Variants in COL25A1 observed in about 807,000 individuals in gnomAD.
The protein encoded by COL25A1 is collagen alpha-1(XXV) chain.
In COL25A1, 103 loss-of-function variants were observed where a neutral mutation model predicts 128.4. The ratio of observed to expected loss-of-function variants is 0.80; its 90% CI spans 0.68 to 0.94. COL25A1 has a LOEUF of 0.94. COL25A1 is among the 40% of genes least tolerant of loss of function. The pLI is 0.00. For synonymous variants in COL25A1, 279 were observed against 277.2 expected, an observed-to-expected ratio of 1.01 and a Z score of -0.06; for missense variants, 745 against 840.0, an observed-to-expected ratio of 0.89 and a Z score of 1.40.
At chr4:108,912,977 T>C (rs1744412403) in intron 13 of COL25A1, among the ~76,000 whole-genome samples, 1 of 152,140 alleles carries the variant, frequency 6.6e-6, no homozygotes. Context: ...GACACACTAA[T>C]ATCAATTTTT....
intron 3 of COL25A1, among the ~76,000 whole-genome samples, chr4:109,053,996 T>C (rs530371667): frequency 6.6e-6 from 1 of 152,290 alleles, no homozygotes; most frequent in African/African-American, 2.4e-5. Context: ...ATTACGAGAA[T>C]GGCTTAATGG....
intron 21 of COL25A1, 40 bp from the exon 22 acceptor site, chr4:108,862,585 T>G: frequency 6.5e-7 from 1 of 1,539,304 alleles, no homozygotes; most frequent in South Asian, 1.1e-5. Context: ...GATAAAATTA[T>G]AGAAGAGATA....
intron 18 of COL25A1, among the ~76,000 whole-genome samples, chr4:108,885,895 C>G (rs1190925566): frequency 6.6e-6 from 1 of 152,172 alleles, no homozygotes; most frequent in African/African-American, 2.4e-5. Context: ...CTCGTCACCT[C>G]TTTTCCTCCC....
At chr4:108,935,761 G>T (rs981454202) in intron 11 of COL25A1, among the ~76,000 whole-genome samples, 1 of 152,178 alleles carries the variant, frequency 6.6e-6, no homozygotes, top group African/African-American at 2.4e-5. Flanking sequence ...ACTGGGAATA[G>T]TAAGCAAATG....
intron 2 of COL25A1, among the ~76,000 whole-genome samples, chr4:109,301,347 C>G (rs952220396): frequency 1.8e-4 from 28 of 152,178 alleles, no homozygotes; most frequent in African/African-American, 6.5e-4. Context: ...ATGACCCTAA[C>G]CATCTTACAA....
intron 3 of COL25A1, among the ~76,000 whole-genome samples, chr4:109,085,311 A>G (rs931928186): frequency 2.6e-5 from 4 of 152,200 alleles, no homozygotes; most frequent in Admixed American, 2.6e-4. Flanking sequence ...TTTGAAACAG[A>G]ATGCACGTTC....
At chr4:109,197,507 A>G (rs933829370) in intron 3 of COL25A1, among the ~76,000 whole-genome samples, 5 of 131,564 alleles carry the variant, frequency 3.8e-5, no homozygotes, top group African/African-American at 1.4e-4. Flanking sequence ...TATATATTAT[A>G]TAATATTTAT....
intron 6 of COL25A1, among the ~76,000 whole-genome samples, chr4:108,983,421 A>C (rs1196723080): frequency 6.6e-6 from 1 of 152,180 alleles, no homozygotes; most frequent in Non-Finnish European, 1.5e-5. Context: ...GGTTTAATCT[A>C]TAATTATCGA....
At chr4:109,059,870 T>G (rs1338475804) in intron 3 of COL25A1, among the ~76,000 whole-genome samples, 7 of 152,354 alleles carry the variant, frequency 4.6e-5, no homozygotes, top group African/African-American at 1.7e-4. Flanking sequence ...GGATGACCTT[T>G]TTTTTTAAAG....
intron 3 of COL25A1, among the ~76,000 whole-genome samples, chr4:109,287,206 T>C (rs1723973027): frequency 6.6e-6 from 1 of 152,200 alleles, no homozygotes. Flanking sequence ...GCCATACTTT[T>C]GTAATTATTA....
intron 20 of COL25A1, among the ~76,000 whole-genome samples, chr4:108,866,120 C>T (rs1737877254): frequency 6.6e-6 from 1 of 151,896 alleles, no homozygotes; most frequent in Non-Finnish European, 1.5e-5. Context: ...TTGATCAAAA[C>T]ATTGGTGAAT....
At chr4:108,963,797 T>G (rs139670083) in intron 8 of COL25A1, among the ~76,000 whole-genome samples, 32 of 151,788 alleles carry the variant, frequency 2.1e-4, no homozygotes, top group Non-Finnish European at 3.7e-4. Flanking sequence ...GGAATAATAT[T>G]AAATATATAC....
chr4:109,143,139 A>G (rs1770587917), intron 3 of COL25A1, among the ~76,000 whole-genome samples: 1 of 152,156 alleles, frequency 6.6e-6, no homozygotes, highest in Admixed American at 6.5e-5. Flanking sequence ...TTGTCTATCA[A>G]GGATTTATTT....
At chr4:108,883,798 A>T (rs2125834185) in intron 19 of COL25A1, among the ~76,000 whole-genome samples, 1 of 152,326 alleles carries the variant, frequency 6.6e-6, no homozygotes. Context: ...AGCTGCCTAA[A>T]TGTTAGCTTT....
intron 3 of COL25A1, among the ~76,000 whole-genome samples, chr4:109,062,667 T>A (rs983868373): frequency 6.6e-6 from 1 of 152,218 alleles, no homozygotes; most frequent in South Asian, 2.1e-4. Context: ...GAAATTAGGA[T>A]CTTAATCCAC....
At chr4:109,274,609 C>T (rs1282880086) in intron 3 of COL25A1, among the ~76,000 whole-genome samples, 1 of 152,152 alleles carries the variant, frequency 6.6e-6, no homozygotes, top group Non-Finnish European at 1.5e-5. Flanking sequence ...TTGCCAATTA[C>T]TTTTTGTTAA....
chr4:108,810,349 G>A lies in COL25A1; in HGVS notation c.*3578C>T, dbSNP rs911852690. The A allele has an allele frequency of 6.6e-6, 1 of 151,928 alleles. No homozygotes were observed. Among genetic ancestry groups the A allele is most frequent in the African/African-American group, 2.4e-5 (1 of 41,416 alleles). 9.4% of individuals were successfully genotyped at this position (151,928 alleles called of 1,614,324 possible). A position where few individuals can be genotyped will look rare whatever the true frequency, so the allele number is the denominator to read the frequency against. ...TAGATAGTTAGACAAAGGACATGTA[G>A]TATAAACTAGTTGATGTGTAAGTTC... On this transcript the variant is annotated 3_prime_UTR_variant, in exon 38 of 38. Coordinates refer to ENST00000399132, the MANE Select transcript of COL25A1 (RefSeq NM_198721.4).
intron 3 of COL25A1, among the ~76,000 whole-genome samples, chr4:109,167,006 A>C (rs1335332224): frequency 6.6e-6 from 1 of 152,166 alleles, no homozygotes; most frequent in Non-Finnish European, 1.5e-5. Flanking sequence ...TTGGAGAGTT[A>C]TTTTTAATAA....
intron 33 of COL25A1, among the ~76,000 whole-genome samples, chr4:108,826,575 A>G (rs1732407751): frequency 6.6e-6 from 1 of 152,192 alleles, no homozygotes; most frequent in Non-Finnish European, 1.5e-5. Context: ...AATTTTCAGA[A>G]GACAGAGCAC....
Sources: gnomAD v4.1 joint callset for allele counts (sites outside exome capture counted in the v4.1 genomes callset) on GRCh38, gnomAD v4.1.1 for gene constraint, MANE v1.5 for transcripts, NCBI Gene and HGNC (gene_info 2026-07-23, HGNC 2026-07-21) for gene names.